The following GABRB1 variants were observed in gnomAD, a reference collection of about 807,000 sequenced individuals.
GABRB1 encodes the protein gamma-aminobutyric acid receptor subunit beta-1.
Under a neutral mutation model 51.6 loss-of-function variants are expected in GABRB1, and 17 were observed. That is an observed-to-expected ratio of 0.33 (90% CI 0.23 to 0.49). GABRB1 has a LOEUF of 0.49. GABRB1 is among the 20% of genes least tolerant of loss of function. GABRB1 has a pLI of 0.99. For synonymous variants in GABRB1, 247 were observed against 218.9 expected (o/e 1.13, Z -1.14); for missense variants, 410 against 600.6 (o/e 0.68, Z 3.32).
chr4:47,154,256 T>TG (rs1436353164), intron 3 of GABRB1, among the ~76,000 whole-genome samples: 2 of 61,634 alleles, frequency 3.2e-5, no homozygotes, highest in African/African-American at 7.0e-5. Flanking sequence ...AAATTATGGT[T>TG]GTTTTTTTTT....
intron 4 of GABRB1, among the ~76,000 whole-genome samples, chr4:47,175,157 T>G (rs1718624598): frequency 6.6e-6 from 1 of 151,262 alleles, no homozygotes; most frequent in Non-Finnish European, 1.5e-5. Context: ...CTCTCTTTTC[T>G]TCTTTCTTTA....
At chr4:47,254,987 A>G (rs1722145966) in intron 4 of GABRB1, among the ~76,000 whole-genome samples, 1 of 152,228 alleles carries the variant, frequency 6.6e-6, no homozygotes, top group Non-Finnish European at 1.5e-5. Context: ...AACTAGAACC[A>G]TACTACATTG....
At chr4:47,230,828 C>T (rs758773675) in intron 4 of GABRB1, among the ~76,000 whole-genome samples, 6 of 152,092 alleles carry the variant, frequency 3.9e-5, no homozygotes, top group African/African-American at 9.7e-5. Context: ...TTTGATAAGA[C>T]CCTCAAATAG....
At chr4:47,334,771 T>G (rs944462801) in intron 5 of GABRB1, among the ~76,000 whole-genome samples, 56 of 152,196 alleles carry the variant, frequency 3.7e-4, no homozygotes, top group African/African-American at 1.3e-3. Flanking sequence ...TTTAAACTAT[T>G]CTTGATGTAA....
At chr4:47,087,544 T>TC (rs1394548739) in intron 3 of GABRB1, among the ~76,000 whole-genome samples, 1 of 151,338 alleles carries the variant, frequency 6.6e-6, no homozygotes, top group Non-Finnish European at 1.5e-5. Context: ...GCACTTTCTT[T>TC]TTTTTTTTTT....
At chr4:47,008,774 T>TA (rs1724491403) in intron 1 of GABRB1, among the ~76,000 whole-genome samples, 1 of 144,782 alleles carries the variant, frequency 6.9e-6, no homozygotes, top group Admixed American at 7.0e-5. Flanking sequence ...CCACTGCACC[T>TA]AGCCAATATT....
chr4:47,126,188 A>G (rs370982171), intron 3 of GABRB1, among the ~76,000 whole-genome samples: 2 of 152,304 alleles, frequency 1.3e-5, no homozygotes, highest in East Asian at 1.9e-4. Flanking sequence ...AGCTGGGCAC[A>G]GAAAGACAAA....
At chr4:47,345,460 G>A (rs986165604) in intron 5 of GABRB1, among the ~76,000 whole-genome samples, 1 of 152,196 alleles carries the variant, frequency 6.6e-6, no homozygotes. Flanking sequence ...AAATCTAAAG[G>A]ATGAGTACAG....
chr4:47,004,636 C>T (rs1479643013), intron 1 of GABRB1, among the ~76,000 whole-genome samples: 1 of 152,172 alleles, frequency 6.6e-6, no homozygotes, highest in African/African-American at 2.4e-5. Flanking sequence ...ACACACCTTG[C>T]TTTTTGACTG....
chr4:47,339,850 C>T (rs1560340906), intron 5 of GABRB1, among the ~76,000 whole-genome samples: 1 of 151,902 alleles, frequency 6.6e-6, no homozygotes, highest in African/African-American at 2.4e-5. Flanking sequence ...CACACACACA[C>T]ACACACCCCA....
At chr4:47,284,314 C>G (rs915563901) in intron 4 of GABRB1, among the ~76,000 whole-genome samples, 3 of 152,024 alleles carry the variant, frequency 2.0e-5, no homozygotes, top group African/African-American at 7.2e-5. Flanking sequence ...AAAGATGGCC[C>G]TATTGCCCAT....
chr4:47,130,202 G>A (rs1716346905), intron 3 of GABRB1, among the ~76,000 whole-genome samples: 1 of 151,976 alleles, frequency 6.6e-6, no homozygotes, highest in African/African-American at 2.4e-5. Context: ...ATCTTTCACT[G>A]TCTTCCCACT....
chr4:47,052,305 G>A (rs754155326), intron 3 of GABRB1, among the ~76,000 whole-genome samples: 13 of 152,254 alleles, frequency 8.5e-5, no homozygotes, highest in Admixed American at 3.3e-4. Flanking sequence ...GGCTACTGAG[G>A]AAAGAGAGCA....
intron 1 of GABRB1, among the ~76,000 whole-genome samples, chr4:47,012,790 G>T (rs1395576631): frequency 2.0e-5 from 3 of 152,122 alleles, no homozygotes; most frequent in Admixed American, 2.0e-4. Flanking sequence ...AAAGGAAAAG[G>T]AGAGAAAACA....
At chr4:47,399,857 T>C (rs535898359) in intron 5 of GABRB1, among the ~76,000 whole-genome samples, 3 of 152,346 alleles carry the variant, frequency 2.0e-5, no homozygotes, top group African/African-American at 7.2e-5. Flanking sequence ...CACCTTGCAC[T>C]TTCTGTCTGG....
In GABRB1 at chr4:47,403,431, T is replaced by C. The variant is rs773904068; in HGVS notation, c.658T>C (p.Ser220Pro). Residue 220 changes from serine to proline, a missense_variant, in exon 6 of 9, where the codon TCT (serine) becomes CCT (proline). By Grantham distance (74) the Ser-to-Pro change is moderately conservative. This residue lies in a region of GABRB1 where 36 missense variants were observed against 39.7 expected (regional missense o/e 0.91). Transcript: ENST00000295454. ...TTCAATTGTTGACTACAAGATGGTG[T>C]CTAAGAAGGTGGAGTTCACAACAGG... ...QFSIVDYKMV[S>P]KKVEFTTGAY... The C allele has an allele frequency of 6.2e-7, 1 of 1,614,058 alleles. No homozygotes were observed. The highest frequency in any genetic ancestry group is 1.1e-5 in the South Asian group (1 of 91,068).
chr4:47,039,132 G>C (rs892697629), intron 3 of GABRB1, among the ~76,000 whole-genome samples: 2 of 151,582 alleles, frequency 1.3e-5, no homozygotes, highest in East Asian at 1.9e-4. Flanking sequence ...TATAAAAAAG[G>C]CTGGCCACAA....
intron 5 of GABRB1, among the ~76,000 whole-genome samples, chr4:47,330,715 G>C (rs936043324): frequency 6.6e-6 from 1 of 152,088 alleles, no homozygotes; most frequent in African/African-American, 2.4e-5. Flanking sequence ...AGACTGCTGG[G>C]AGTTTATTAA....
At chr4:47,175,332 CA>C (rs960205348) in intron 4 of GABRB1, among the ~76,000 whole-genome samples, 25 of 152,192 alleles carry the variant, frequency 1.6e-4, no homozygotes, top group African/African-American at 5.3e-4. Context: ...GCTGGGATTA[CA>C]AGCATGAATC....
Sources: allele counts gnomAD v4.1 joint callset (sites outside exome capture counted in the v4.1 genomes callset), GRCh38; gene constraint gnomAD v4.1.1; regional missense constraint gnomAD v4.1.1; transcripts MANE v1.5; gene names NCBI Gene and HGNC (gene_info 2026-07-23, HGNC 2026-07-21).